ZMIZ1: variants seen among roughly 807,000 people sequenced by gnomAD.
The protein encoded by ZMIZ1 is zinc finger MIZ-type containing 1.
In ZMIZ1, 17 loss-of-function variants were observed where a neutral mutation model predicts 113.9. The ratio of observed to expected loss-of-function variants is 0.15; its 90% CI spans 0.10 to 0.22. ZMIZ1 has a LOEUF of 0.22. Among genes scored for constraint, ZMIZ1 ranks in the 10% least tolerant of loss-of-function variants. The pLI, the probability that ZMIZ1 is intolerant of heterozygous loss-of-function variation, is 1.00. For synonymous variants in ZMIZ1, 607 were observed against 603.1 expected (o/e 1.01, Z -0.09); for missense variants, 1,059 against 1,477.8 (o/e 0.72, Z 4.65).
intron 3 of ZMIZ1, among the ~76,000 whole-genome samples, chr10:79,149,610 T>C (rs1845629517): frequency 6.6e-6 from 1 of 151,972 alleles, no homozygotes; most frequent in African/African-American, 2.4e-5. Context: ...CAGGGTGGGG[T>C]GAAGGGGTCT....
chr10:79,208,140 G>A (rs866600178), intron 5 of ZMIZ1, among the ~76,000 whole-genome samples, 196 bp from the exon 6 acceptor site: 1 of 134,774 alleles, frequency 7.4e-6, no homozygotes, highest in East Asian at 2.4e-4. Flanking sequence ...GGGGTGGGGG[G>A]GGGTGGGAGC....
intron 7 of ZMIZ1, among the ~76,000 whole-genome samples, chr10:79,219,199 G>C (rs1451943378): frequency 2.0e-5 from 3 of 152,136 alleles, no homozygotes; most frequent in Non-Finnish European, 4.4e-5. Flanking sequence ...GGGAGAAGGA[G>C]ACCTGGAGAA....
chr10:79,085,370 G>A (rs983243387), intron 1 of ZMIZ1, among the ~76,000 whole-genome samples: 1 of 152,218 alleles, frequency 6.6e-6, no homozygotes, highest in African/African-American at 2.4e-5. Context: ...CCAGCGTGAC[G>A]CCAGGCCCGC....
chr10:79,240,638 CTTTTTTTTTTTTTT>C (rs56903717), intron 7 of ZMIZ1, among the ~76,000 whole-genome samples: 3 of 55,312 alleles, frequency 5.4e-5, no homozygotes, highest in Non-Finnish European at 8.9e-5. Context: ...GAGTATTTAT[CTTTTTTTTTTTTTT>C]TTTTTTTTTT....
chr10:79,147,285 G>A (rs1845530760), intron 3 of ZMIZ1, among the ~76,000 whole-genome samples: 1 of 152,176 alleles, frequency 6.6e-6, no homozygotes, highest in Non-Finnish European at 1.5e-5. Flanking sequence ...TCAAGAAAAG[G>A]CACAGAGCTT....
intron 1 of ZMIZ1, among the ~76,000 whole-genome samples, chr10:79,078,303 A>G (rs1455775019): frequency 1.3e-5 from 2 of 152,158 alleles, no homozygotes; most frequent in African/African-American, 4.8e-5. Context: ...TGGAATCACT[A>G]TGAATGGTAA....
At chr10:79,263,595 G>A (rs72818244) in intron 7 of ZMIZ1, among the ~76,000 whole-genome samples, 32,932 of 152,026 alleles carry the variant, frequency 0.22, 4,137 homozygotes, top group Middle Eastern at 0.35. Flanking sequence ...TGTCAGCACC[G>A]GGCCCCCAGG....
At chr10:79,187,728 C>T (rs1264670863) in intron 4 of ZMIZ1, among the ~76,000 whole-genome samples, 1 of 152,218 alleles carries the variant, frequency 6.6e-6, no homozygotes, top group African/African-American at 2.4e-5. Flanking sequence ...CTCCTGAGGA[C>T]ACACCTTGTG....
chr10:79,238,943 C>T (rs1849702421), intron 7 of ZMIZ1, among the ~76,000 whole-genome samples: 2 of 152,294 alleles, frequency 1.3e-5, no homozygotes, highest in East Asian at 3.9e-4. Flanking sequence ...CTGCTTGGGC[C>T]CCTAGCTCTG....
chr10:79,180,774 A>G (rs937248586), intron 4 of ZMIZ1, among the ~76,000 whole-genome samples: 17 of 152,288 alleles, frequency 1.1e-4, no homozygotes, highest in African/African-American at 4.1e-4. Flanking sequence ...CTTTCCTTTC[A>G]GACAGGGCCA....
chr10:79,153,743 G>A (rs955489571), intron 3 of ZMIZ1, among the ~76,000 whole-genome samples: 2 of 152,260 alleles, frequency 1.3e-5, no homozygotes, highest in African/African-American at 4.8e-5. Flanking sequence ...AAGGCCATGT[G>A]GCTTGTGAGC....
At chr10:79,237,808 C>T (rs1180738532) in intron 7 of ZMIZ1, among the ~76,000 whole-genome samples, 1 of 152,202 alleles carries the variant, frequency 6.6e-6, no homozygotes, top group African/African-American at 2.4e-5. Flanking sequence ...CATGGCTTCT[C>T]AATTGGTCTT....
At chr10:79,146,717 G>A (rs772846642) in intron 3 of ZMIZ1, among the ~76,000 whole-genome samples, 28 of 152,192 alleles carry the variant, frequency 1.8e-4, no homozygotes, top group Non-Finnish European at 4.1e-4. Flanking sequence ...GGCAGGGCTG[G>A]GGCTGGGCGG....
chr10:79,265,655 C>G (rs944188508), intron 7 of ZMIZ1, among the ~76,000 whole-genome samples: 1 of 151,820 alleles, frequency 6.6e-6, no homozygotes, highest in Admixed American at 6.6e-5. Context: ...AGGAAAACCT[C>G]TCTGATGTAG....
At chr10:79,262,470 C>T (rs1342492829) in intron 7 of ZMIZ1, among the ~76,000 whole-genome samples, 1 of 152,276 alleles carries the variant, frequency 6.6e-6, no homozygotes, top group African/African-American at 2.4e-5. Flanking sequence ...AAGTGTGTTA[C>T]ACTGAGTAAC....
chr10:79,169,427 T>C (rs1846511969), intron 4 of ZMIZ1, among the ~76,000 whole-genome samples: 1 of 152,214 alleles, frequency 6.6e-6, no homozygotes, highest in Non-Finnish European at 1.5e-5. Context: ...ATAAATAATC[T>C]GGAGCATTTT....
rs566810797 is a variant in ZMIZ1 at position 79,265,124 on chromosome 10, T to G, written c.281-12057T>G. Among the ~76,000 whole-genome samples the G allele has an allele frequency of 4.6e-5, 7 of 152,188 alleles. No individual in the cohort carries two copies. In the East Asian group the frequency reaches 1.4e-3, roughly 30 times the overall value. ...AGGGTGAGTTCACACGCCTCGAGGC[T>G]CCCAGTTCCCAGCTCCTGACAACCC... On this transcript the variant is annotated intron_variant, in intron 7 of 24. Transcript: ENST00000334512.
intron 1 of ZMIZ1, among the ~76,000 whole-genome samples, chr10:79,109,392 GCCCC>G (rs1383085853): frequency 1.3e-5 from 2 of 152,212 alleles, no homozygotes; most frequent in African/African-American, 4.8e-5. Context: ...TGGCTGGGCT[GCCCC>G]CGCCTGATCA....
chr10:79,305,082 A>G (rs1854590482), intron 19 of ZMIZ1, 82 bp from the exon 20 acceptor site: 2 of 1,473,876 alleles, frequency 1.4e-6, no homozygotes, highest in Non-Finnish European at 9.5e-7. Context: ...CTGGTGGGGA[A>G]GTTATTCCAA....
Sources: allele counts gnomAD v4.1 joint callset (sites outside exome capture counted in the v4.1 genomes callset), GRCh38; gene constraint gnomAD v4.1.1; transcripts MANE v1.5; gene names NCBI Gene and HGNC (gene_info 2026-07-23, HGNC 2026-07-21).